Variants in MAP3K4 observed in about 807,000 individuals in gnomAD.
The protein encoded by MAP3K4 is mitogen-activated protein kinase kinase kinase 4.
Under a neutral mutation model 185.6 loss-of-function variants are expected in MAP3K4, and 67 were observed. The ratio of observed to expected loss-of-function variants is 0.36; its 90% CI spans 0.30 to 0.44. The LOEUF is 0.44. MAP3K4 is among the 20% of genes least tolerant of loss of function. The pLI is 1.00. For missense variants in MAP3K4, 1,551 were observed against 1,995.1 expected (o/e 0.78, Z 4.24); for synonymous variants, 702 against 710.4 (o/e 0.99, Z 0.19).
intron 6 of MAP3K4, among the ~76,000 whole-genome samples, chr6:161,083,163 C>T (rs773226383): frequency 9.9e-5 from 15 of 152,116 alleles, no homozygotes; most frequent in Non-Finnish European, 2.1e-4. Context: ...TGACTTGTTT[C>T]CCCACTTCCT....
chr6:160,999,617 T>C (rs1781173833), intron 1 of MAP3K4, among the ~76,000 whole-genome samples: 1 of 152,156 alleles, frequency 6.6e-6, no homozygotes, highest in African/African-American at 2.4e-5. Context: ...AAAAATGGCC[T>C]AGAGGGGCTG....
chr6:161,044,972 G>C (rs1783655829), intron 2 of MAP3K4, among the ~76,000 whole-genome samples: 1 of 152,070 alleles, frequency 6.6e-6, no homozygotes. Context: ...TTCCAACACT[G>C]GGGGTCACAT....
intron 5 of MAP3K4, among the ~76,000 whole-genome samples, chr6:161,079,445 C>T (rs771496911): frequency 8.0e-5 from 12 of 149,396 alleles, no homozygotes; most frequent in Admixed American, 2.7e-4. Context: ...GTTGTGGTGG[C>T]GCATGCCTGT....
Position 161,077,663 on chromosome 6 carries a change from A to G in MAP3K4, c.2098-3218A>G, listed in dbSNP as rs1785244503. 6.6e-6 allele frequency among the ~76,000 whole-genome samples: 1 copy of G among 152,210 alleles called. No individual in the cohort carries two copies. Among genetic ancestry groups the G allele is most frequent in the Admixed American group, 6.5e-5 (1 of 15,288 alleles). On this transcript the variant is annotated intron_variant, in intron 5 of 26. Coordinates refer to ENST00000392142, the MANE Select transcript of MAP3K4 (RefSeq NM_005922.4). The surrounding 1 kb of genome is among the most constrained non-coding windows in gnomAD (Gnocchi z 4.3). Reference sequence around the variant, plus strand: ...GGGTAACATACATTCAGAAAGAAGTATAAGGATTCAAAGGAAACGTAGGCA... The same window carrying G: ...GGGTAACATACATTCAGAAAGAAGTGTAAGGATTCAAAGGAAACGTAGGCA...
intron 19 of MAP3K4, among the ~76,000 whole-genome samples, chr6:161,105,026 T>G (rs868020685): frequency 6.6e-5 from 10 of 152,172 alleles, no homozygotes; most frequent in African/African-American, 2.4e-4. Flanking sequence ...AATTAGGATA[T>G]GGTATGAAAA....
At chr6:161,029,348 A>G (rs1782815622) in intron 1 of MAP3K4, among the ~76,000 whole-genome samples, 1 of 152,170 alleles carries the variant, frequency 6.6e-6, no homozygotes, top group South Asian at 2.1e-4. Flanking sequence ...TTCAGGCACC[A>G]TTGTGGTTTA....
rs1221782080 is a variant in MAP3K4, at chr6:160,991,982, G to A, written c.51G>A (p.Thr17=). The change falls in exon 1 of 27, where the codon ACG becomes ACA. Residue 17 remains threonine, a synonymous_variant. Transcript: ENST00000392142. The surrounding 1 kb of genome is among the most constrained non-coding windows in gnomAD (Gnocchi z 5.7). ...ALVPPPAFAV[T]PAAAMEEPPP... ...TCCCTCCTCCCGCCTTTGCCGTCAC[G>A]CCTGCCGCCGCCATGGAGGAGCCGC... 6.5e-6 allele frequency: 10 copies of A among 1,541,890 alleles called. No homozygotes were observed. In the African/African-American group the frequency reaches 1.3e-4, roughly 20 times the overall value.
intron 3 of MAP3K4, among the ~76,000 whole-genome samples, chr6:161,055,969 GCTT>G (rs1784218200): frequency 6.6e-6 from 1 of 152,158 alleles, no homozygotes; most frequent in South Asian, 2.1e-4. Context: ...TGGAAGTTTT[GCTT>G]CTTCTCATTT....
Position 161,007,315 on chromosome 6 carries a change from T to A in MAP3K4, c.152+15232T>A, listed in dbSNP as rs766557047. Among the ~76,000 whole-genome samples, 1 of 152,170 alleles carries A rather than the reference T, an allele frequency of 6.6e-6. No individual in the cohort carries two copies. Among genetic ancestry groups the A allele is most frequent in the Non-Finnish European group, 1.5e-5 (1 of 68,018 alleles). ...TGCAGTGGGGAAAAACATTCACTAT[T>A]GAGGAATGTCTTGAAGAGGAGGGAG... On this transcript the variant is annotated intron_variant, in intron 1 of 26. Coordinates refer to ENST00000392142, the MANE Select transcript of MAP3K4 (RefSeq NM_005922.4). This position sits in a 1 kb window ranked among gnomAD's most constrained non-coding sequence, Gnocchi z 4.5.
rs556795216 is a variant in MAP3K4 at position 161,084,629 on chromosome 6, G to C, written c.2372+12G>C. The C allele has an allele frequency of 6.9e-7, 1 of 1,439,358 alleles. No individual in the cohort carries two copies. The highest frequency in any genetic ancestry group is 9.8e-7 in the Non-Finnish European group (1 of 1,020,762). The allele number at this position is 1,439,358 out of a possible 1,614,324, so 89.2% of individuals were successfully genotyped here. On this transcript the variant is annotated intron_variant, in intron 7 of 26. Coordinates refer to ENST00000392142, the MANE Select transcript of MAP3K4 (RefSeq NM_005922.4). This position sits in a 1 kb window ranked among gnomAD's most constrained non-coding sequence, Gnocchi z 4.6. Reference sequence around the variant, plus strand: ...TCCGACGAAATCAGGTTGGAGTTGTGCTTCCTTTCCCCTTCCACTTCTTAT... The same window carrying C: ...TCCGACGAAATCAGGTTGGAGTTGTCCTTCCTTTCCCCTTCCACTTCTTAT...
chr6:161,111,734 T>A (rs950105147), intron 23 of MAP3K4, 102 bp from the exon 24 acceptor site: 3 of 1,109,536 alleles, frequency 2.7e-6, no homozygotes, highest in African/African-American at 1.6e-5. Flanking sequence ...GCCTTTCGAT[T>A]GTTTAGCTTG....
rs1456706682 is a variant in MAP3K4 at position 161,086,739 on chromosome 6, C to T, written c.2556+72C>T. ...TTATTCTAAAACAGGCAGACTTTTT[C>T]TTGAAGGTCCAGATAGTAAATATTA... is the stretch of plus-strand genomic sequence containing the variant. On this transcript the variant is annotated intron_variant, in intron 9 of 26. Coordinates refer to ENST00000392142, the MANE Select transcript of MAP3K4 (RefSeq NM_005922.4). The surrounding 1 kb of genome is among the most constrained non-coding windows in gnomAD (Gnocchi z 4.8). The T allele has an allele frequency of 9.8e-6, 12 of 1,226,142 alleles. No homozygotes were observed. Among genetic ancestry groups the T allele is most frequent in the Non-Finnish European group, 1.4e-5 (12 of 850,912 alleles). 76.0% of individuals were successfully genotyped at this position (1,226,142 alleles called of 1,614,324 possible). A position where few individuals can be genotyped will look rare whatever the true frequency, so the allele number is the denominator to read the frequency against.
In MAP3K4 at chr6:161,086,540, T is replaced by A; in HGVS notation, c.2473-44T>A. Reference sequence around the variant, plus strand: ...CTTGTTTTTCTTTTATCTTATTTTTTTAATGCTAACCGTAAAGAAGTTTCT... The same window carrying A: ...CTTGTTTTTCTTTTATCTTATTTTTATAATGCTAACCGTAAAGAAGTTTCT... On this transcript the variant is annotated intron_variant, in intron 8 of 26. Coordinates refer to ENST00000392142, the MANE Select transcript of MAP3K4 (RefSeq NM_005922.4). This position sits in a 1 kb window ranked among gnomAD's most constrained non-coding sequence, Gnocchi z 4.8. 6.2e-7 allele frequency: 1 copy of A among 1,603,106 alleles called. No homozygotes were observed. Among genetic ancestry groups the A allele is most frequent in the East Asian group, 2.2e-5 (1 of 44,812 alleles).
At chr6:161,038,681 G>T (rs1170703536) in intron 2 of MAP3K4, among the ~76,000 whole-genome samples, 2 of 152,222 alleles carry the variant, frequency 1.3e-5, no homozygotes, top group Non-Finnish European at 2.9e-5. Flanking sequence ...TGTGGTTCAG[G>T]TGTGTAGGCA....
At chr6:161,030,192 C>T (rs1425567717) in intron 1 of MAP3K4, among the ~76,000 whole-genome samples, 1 of 152,084 alleles carries the variant, frequency 6.6e-6, no homozygotes, top group East Asian at 1.9e-4. Context: ...TTGATACTGT[C>T]ACACAGGGCA....
chr6:161,075,649 C>T lies in MAP3K4; in HGVS notation c.2097+2037C>T, dbSNP rs1390042443. Among the ~76,000 whole-genome samples the T allele has an allele frequency of 6.6e-6, 1 of 152,154 alleles. No homozygotes were observed. Among genetic ancestry groups the T allele is most frequent in the Non-Finnish European group, 1.5e-5 (1 of 68,030 alleles). The stretch of plus-strand genomic sequence containing the variant: ...GGCAGGGGAGCAGGGTGAGGAGCAT[C>T]AGGCATGTGAACCACGCCTTCCTGG... On this transcript the variant is annotated intron_variant, in intron 5 of 26. Coordinates refer to ENST00000392142, the MANE Select transcript of MAP3K4 (RefSeq NM_005922.4). This position sits in a 1 kb window ranked among gnomAD's most constrained non-coding sequence, Gnocchi z 4.3.
In MAP3K4 at chr6:161,070,950, G is replaced by A. The variant is rs113596856; in HGVS notation, c.1950+100G>A. On this transcript the variant is annotated intron_variant, in intron 4 of 26. Transcript: ENST00000392142. This position sits in a 1 kb window ranked among gnomAD's most constrained non-coding sequence, Gnocchi z 4.5. ...AGTTCCTTTTTTTTTCTTAATTGTC[G>A]CAAATAGTGAAAAATGACTGTTTGT... 9.9e-5 allele frequency: 111 copies of A among 1,122,266 alleles called. No individual in the cohort carries two copies. The highest frequency in any genetic ancestry group is 9.0e-4 in the African/African-American group (57 of 63,058). 69.5% of individuals were successfully genotyped at this position (1,122,266 alleles called of 1,614,324 possible).
rs1407890990 is a variant in MAP3K4, at chr6:160,991,808, A to T, written c.-124A>T. On this transcript the variant is annotated 5_prime_UTR_variant, in exon 1 of 27. Coordinates refer to ENST00000392142, the MANE Select transcript of MAP3K4 (RefSeq NM_005922.4). The surrounding 1 kb of genome is among the most constrained non-coding windows in gnomAD (Gnocchi z 5.7). ...CGTTTCCAAGATGGCCGCGGCGCGC[A>T]CGGCTCCTGCGGCGGGGTAGAGGCG... is the stretch of plus-strand genomic sequence containing the variant. 14 of 1,113,394 alleles carry T rather than the reference A, an allele frequency of 1.3e-5. No homozygotes were observed. The highest frequency in any genetic ancestry group is 1.7e-5 in the Non-Finnish European group (14 of 848,294). 69.0% of individuals were successfully genotyped at this position (1,113,394 alleles called of 1,614,324 possible).
At chr6:161,058,923 C>G (rs1784366879) in intron 3 of MAP3K4, among the ~76,000 whole-genome samples, 1 of 152,056 alleles carries the variant, frequency 6.6e-6, no homozygotes, top group Non-Finnish European at 1.5e-5. Flanking sequence ...TGTACACACC[C>G]CTTTATGAAC....
Sources: gnomAD v4.1 joint callset for allele counts (sites outside exome capture counted in the v4.1 genomes callset) on GRCh38, gnomAD v4.1.1 for gene constraint, Gnocchi (gnomAD v3.1) non-coding constraint, MANE v1.5 for transcripts, NCBI Gene and HGNC (gene_info 2026-07-23, HGNC 2026-07-21) for gene names.